The following TULP4 variants were observed in gnomAD, a reference collection of about 807,000 sequenced individuals.
TULP4 encodes TUB like protein 4.
In TULP4, 16 loss-of-function variants were observed where a neutral mutation model predicts 129.0. The observed-to-expected ratio is 0.12, with a 90% CI of 0.08 to 0.19. TULP4 has a LOEUF of 0.19. Ranked by LOEUF, TULP4 falls within the 10% of genes least tolerant of loss-of-function variation. The pLI, the probability that TULP4 is intolerant of heterozygous loss-of-function variation, is 1.00. For missense variants in TULP4, 1,842 were observed against 2,059.1 expected (o/e 0.89, Z 2.04); for synonymous variants, 998 against 854.0 (o/e 1.17, Z -2.94).
chr6:158,428,764 TGTAACAGTG>T (rs764245698), intron 2 of TULP4, among the ~76,000 whole-genome samples: 78 of 152,292 alleles, frequency 5.1e-4, no homozygotes, highest in Middle Eastern at 3.4e-3. Context: ...TGAGAGGCAG[TGTAACAGTG>T]GTTGAAAGGA....
chr6:158,441,955 A>T (rs777324856), intron 3 of TULP4, among the ~76,000 whole-genome samples: 10 of 152,236 alleles, frequency 6.6e-5, no homozygotes. Context: ...GTTAAGCTCC[A>T]GTTAGTAAAG....
chr6:158,313,542 G>T lies in TULP4; in HGVS notation c.-475G>T, dbSNP rs1054773620. On this transcript the variant is annotated 5_prime_UTR_variant, in exon 1 of 14. Transcript: ENST00000367097. The stretch of plus-strand genomic sequence containing the variant: ...TCCGAACTTTTGAAGAGAAAAATTC[G>T]AGCTAGAGGGATTCTTAAAGCCTTA... 1 of 402,060 alleles carries T rather than the reference G, an allele frequency of 2.5e-6. No homozygotes were observed. 24.9% of individuals were successfully genotyped at this position (402,060 alleles called of 1,614,324 possible).
intron 1 of TULP4, among the ~76,000 whole-genome samples, chr6:158,291,960 AT>A (rs891417638): frequency 6.6e-6 from 1 of 152,168 alleles, no homozygotes; most frequent in Non-Finnish European, 1.5e-5. Context: ...GTTTCTGAAG[AT>A]TTGGGGATCT....
At position 158,506,662 on chromosome 6, in the gene TULP4, G is replaced by A; in HGVS notation, c.4600G>A (p.Ala1534Thr). 1 of 1,613,768 alleles carries A rather than the reference G, an allele frequency of 6.2e-7. No individual in the cohort carries two copies. The highest frequency in any genetic ancestry group is 8.5e-7 in the Non-Finnish European group (1 of 1,179,666). The change falls in exon 14 of 14, where the codon GCC becomes ACC. Residue 1534 changes from alanine (A) to threonine (T), a missense_variant. Ala to Thr is a moderately conservative substitution (Grantham distance 58). Coordinates refer to ENST00000367097, the MANE Select transcript of TULP4 (RefSeq NM_020245.5). The part of the protein sequence containing the change: ...PFSAVQAFAV[A>T]LANVTQRLK ...CTCAGCCGTGCAGGCCTTTGCAGTT[G>A]CCCTGGCCAACGTGACTCAGCGCCT...
At chr6:158,479,704 C>T in intron 6 of TULP4, 47 bp from the exon 7 acceptor site, 1 of 1,570,052 alleles carries the variant, frequency 6.4e-7, no homozygotes, top group Non-Finnish European at 8.7e-7. Context: ...TTTTGCTTCC[C>T]ACAAGAGCAA....
intron 1 of TULP4, among the ~76,000 whole-genome samples, chr6:158,370,233 G>A (rs1333089017): frequency 6.6e-6 from 1 of 151,880 alleles, no homozygotes; most frequent in Non-Finnish European, 1.5e-5. Flanking sequence ...GAGGCGGGCG[G>A]ATCACCTGAG....
At chr6:158,388,333 T>TTC (rs1490675550) in intron 1 of TULP4, among the ~76,000 whole-genome samples, 6 of 132,296 alleles carry the variant, frequency 4.5e-5, no homozygotes, top group African/African-American at 1.7e-4. Context: ...TTTTTTTTTT[T>TTC]TTTTTTTTTT....
rs1562523052 is a variant in TULP4, at chr6:158,331,714, C to T, written c.252+17446C>T. Among the ~76,000 whole-genome samples, 170 of 25,360 alleles carry T rather than the reference C, an allele frequency of 6.7e-3. 13 individuals are homozygous for T. The highest frequency in any genetic ancestry group is 0.01 in the African/African-American group (108 of 10,582). 16.6% of individuals were successfully genotyped at this position (25,360 alleles called of 152,430 possible). A position where few individuals can be genotyped will look rare whatever the true frequency, so the allele number is the denominator to read the frequency against. ...ACACACACACACACACACACACACACACACACACACACACATACGTATATA... is the reference window on the plus strand; with the variant it reads ...ACACACACACACACACACACACACATACACACACACACACATACGTATATA... On this transcript the variant is annotated intron_variant, in intron 1 of 13. Coordinates refer to ENST00000367097, the MANE Select transcript of TULP4 (RefSeq NM_020245.5).
chr6:158,372,185 A>T (rs1777088482), intron 1 of TULP4, among the ~76,000 whole-genome samples: 1 of 31,304 alleles, frequency 3.2e-5, no homozygotes, highest in Non-Finnish European at 8.0e-5. Context: ...TTTTTTAAAG[A>T]AAAAGCTATT....
At chr6:158,375,335 A>G (rs1487434589) in intron 1 of TULP4, among the ~76,000 whole-genome samples, 1 of 152,202 alleles carries the variant, frequency 6.6e-6, no homozygotes, top group Non-Finnish European at 1.5e-5. Context: ...TTTTTTGTCC[A>G]TTCATCAACC....
chr6:158,316,918 G>T (rs1779505299), intron 1 of TULP4, among the ~76,000 whole-genome samples: 1 of 152,208 alleles, frequency 6.6e-6, no homozygotes, highest in African/African-American at 2.4e-5. Flanking sequence ...ACAGCATGCA[G>T]TTTGCTTCTT....
intron 3 of TULP4, among the ~76,000 whole-genome samples, chr6:158,443,233 C>T (rs373824779): frequency 7.9e-5 from 12 of 152,156 alleles, no homozygotes; most frequent in South Asian, 2.1e-4. Flanking sequence ...CTGCCCGCCT[C>T]GGCCTCCCAA....
At chr6:158,300,111 T>C (rs4709175) in intron 1 of TULP4, among the ~76,000 whole-genome samples, 142,342 of 152,222 alleles carry the variant, frequency 0.94, 66,613 homozygotes, top group Admixed American at 0.95. Context: ...GGTATGAAGG[T>C]GGTCTCTGAC....
chr6:158,336,591 G>C (rs1780039459), intron 1 of TULP4, among the ~76,000 whole-genome samples: 1 of 152,104 alleles, frequency 6.6e-6, no homozygotes, highest in African/African-American at 2.4e-5. Flanking sequence ...AAATCAACAT[G>C]TATTTTGTCC....
chr6:158,335,967 G>A (rs1449071564), intron 1 of TULP4, among the ~76,000 whole-genome samples: 2 of 152,158 alleles, frequency 1.3e-5, no homozygotes, highest in African/African-American at 2.4e-5. Flanking sequence ...AAGTGAAATC[G>A]CTGCATTGTA....
chr6:158,483,617 A>G (rs976942492), intron 8 of TULP4, among the ~76,000 whole-genome samples: 14 of 152,008 alleles, frequency 9.2e-5, no homozygotes, highest in African/African-American at 2.9e-4. Context: ...CTGTCCCCAA[A>G]TTTCTTATCA....
rs562807447 is a variant in TULP4 at position 158,299,977 on chromosome 6, A to T, written n.117-12074A>T. Among the ~76,000 whole-genome samples, 4 of 152,272 alleles carry T rather than the reference A, an allele frequency of 2.6e-5. No individual in the cohort carries two copies. The South Asian group carries it at 8.3e-4, about 32-fold the overall frequency. Reference sequence around the variant, plus strand: ...TGGTGAGATTTTTAGGTTCTTAAGGAGAAAAAGGGAATTAGGAGAAGTGGG... The same window carrying T: ...TGGTGAGATTTTTAGGTTCTTAAGGTGAAAAAGGGAATTAGGAGAAGTGGG... On this transcript the variant is annotated intron_variant and non_coding_transcript_variant, in intron 1 of 1. Transcript: ENST00000432358.
chr6:158,314,114 A>G lies in TULP4; in HGVS notation c.98A>G (p.Lys33Arg). Residue 33 changes from lysine (K) to arginine (R), a missense_variant, in exon 1 of 14, where the codon AAG (lysine) becomes AGG (arginine). Physicochemically the swap from Lys to Arg is conservative, Grantham distance 26 (BLOSUM62 2). Around this residue, in one of 5 missense-constraint regions of TULP4, gnomAD observed 151 missense variants for 268.7 expected, o/e 0.56. Coordinates refer to ENST00000367097, the MANE Select transcript of TULP4 (RefSeq NM_020245.5). ...KGRVPKSEKEKPVCRRRYYEE... is the reference protein window; with the variant it reads ...KGRVPKSEKERPVCRRRYYEE... ...CGTGTCCCCAAGAGTGAGAAGGAGA[A>G]GCCTGTGTGCAGGAGACGCTACTAT... The G allele has an allele frequency of 1.2e-6, 2 of 1,614,210 alleles. No individual in the cohort carries two copies. Among genetic ancestry groups the G allele is most frequent in the Non-Finnish European group, 1.7e-6 (2 of 1,180,026 alleles).
At chr6:158,451,440 G>A (rs1192399357) in intron 4 of TULP4, among the ~76,000 whole-genome samples, 12 of 152,182 alleles carry the variant, frequency 7.9e-5, no homozygotes, top group African/African-American at 2.7e-4. Flanking sequence ...TTCTGAAAAC[G>A]TTGCTCTATC....
Sources: allele counts gnomAD v4.1 joint callset (sites outside exome capture counted in the v4.1 genomes callset), GRCh38; gene constraint gnomAD v4.1.1; regional missense constraint gnomAD v4.1.1; transcripts MANE v1.5; gene names NCBI Gene and HGNC (gene_info 2026-07-23, HGNC 2026-07-21).